The following ARAP1 variants were observed in gnomAD, a reference collection of about 807,000 sequenced individuals.
ARAP1 encodes ArfGAP with RhoGAP domain, ankyrin repeat and PH domain 1.
In ARAP1, 76 loss-of-function variants were observed where a neutral mutation model predicts 172.2. The observed-to-expected ratio is 0.44, with a 90% CI of 0.37 to 0.53. The LOEUF (loss-of-function observed/expected upper bound fraction) is 0.53, where lower values mean the gene tolerates loss of function less well. Ranked by LOEUF, ARAP1 falls within the 20% of genes least tolerant of loss-of-function variation. The pLI, the probability that ARAP1 is intolerant of heterozygous loss-of-function variation, is 0.00. For missense variants in ARAP1, 1,686 were observed against 1,977.5 expected, an observed-to-expected ratio of 0.85 and a Z score of 2.80; for synonymous variants, 804 against 803.3, an observed-to-expected ratio of 1.00 and a Z score of -0.01.
At chr11:72,743,107 C>T (rs1001143096) in intron 1 of ARAP1, among the ~76,000 whole-genome samples, 4 of 152,240 alleles carry the variant, frequency 2.6e-5, no homozygotes, top group African/African-American at 9.6e-5. Context: ...CAGCATCCCA[C>T]TTATCACTAC....
At chr11:72,700,716 C>G (rs757993486) in intron 16 of ARAP1, among the ~76,000 whole-genome samples, 5 of 152,208 alleles carry the variant, frequency 3.3e-5, no homozygotes, top group Non-Finnish European at 7.3e-5. Context: ...GAAGAAAATG[C>G]AGGGTAGCCA....
rs755090281 is a variant in ARAP1, at chr11:72,727,152, C to T, written c.-24G>A. 3.2e-6 allele frequency: 5 copies of T among 1,553,938 alleles called. No homozygotes were observed. Among genetic ancestry groups the T allele is most frequent in the Non-Finnish European group, 3.5e-6 (4 of 1,148,854 alleles). ...ATGGTTCCTGCCAGCGGAGGCCTGA[C>T]TGGCAGGGCTTTGTCCAGAGCTAGA... On this transcript the variant is annotated 5_prime_UTR_variant, in exon 3 of 35. Transcript: ENST00000393609.
At chr11:72,749,870 CA>C (rs1335693964) in intron 1 of ARAP1, among the ~76,000 whole-genome samples, 240 of 123,206 alleles carry the variant, frequency 1.9e-3, no homozygotes, top group Middle Eastern at 3.9e-3. Context: ...GACTCCGTCT[CA>C]AAAAAAAAAA....
At chr11:72,751,809 C>A (rs551109457) in intron 1 of ARAP1, among the ~76,000 whole-genome samples, 1 of 152,218 alleles carries the variant, frequency 6.6e-6, no homozygotes, top group African/African-American at 2.4e-5. Context: ...CCACTCCCAG[C>A]GTGACCCCAT....
rs1160135293 is a variant in ARAP1, at chr11:72,741,144, A to G, written c.-127-8547T>C. On this transcript the variant is annotated intron_variant, in intron 1 of 34. Transcript: ENST00000393609. The surrounding 1 kb of genome is among the most constrained non-coding windows in gnomAD (Gnocchi z 4.5). ...TTCCCCCAACTCCTTCCTGTTTACCATGTTTTGGGCACACCCCTGCCCTGC... is the reference window on the plus strand; with the variant it reads ...TTCCCCCAACTCCTTCCTGTTTACCGTGTTTTGGGCACACCCCTGCCCTGC... 6.7e-6 allele frequency among the ~76,000 whole-genome samples: 1 copy of G among 150,314 alleles called. No individual in the cohort carries two copies. Among genetic ancestry groups the G allele is most frequent in the Non-Finnish European group, 1.5e-5 (1 of 67,796 alleles).
Position 72,693,156 on chromosome 11 carries a change from C to T in ARAP1, c.3954+169G>A, listed in dbSNP as rs1366837709. 9 of 1,096,322 alleles carry T rather than the reference C, an allele frequency of 8.2e-6. No homozygotes were observed. Among genetic ancestry groups the T allele is most frequent in the Non-Finnish European group, 1.1e-5 (9 of 786,648 alleles). The allele number at this position is 1,096,322 out of a possible 1,614,324, so 67.9% of individuals were successfully genotyped here. A position where few individuals can be genotyped will look rare whatever the true frequency, so the allele number is the denominator to read the frequency against. ...CTACAGGGCACACTAGAGTGGCCGT[C>T]CAGGGCCACAGCAGGAGGGGTCTTG... On this transcript the variant is annotated intron_variant, in intron 29 of 34. Coordinates refer to ENST00000393609, the MANE Select transcript of ARAP1 (RefSeq NM_001040118.3). The surrounding 1 kb of genome is among the most constrained non-coding windows in gnomAD (Gnocchi z 4.6).
intron 34 of ARAP1, 141 bp from the exon 35 acceptor site, chr11:72,685,822 G>A: frequency 1.5e-6 from 2 of 1,372,398 alleles, no homozygotes; most frequent in Non-Finnish European, 1.0e-6. Flanking sequence ...CAGCTCCCAG[G>A]GCCAGGCAGA....
chr11:72,700,356 G>A (rs1418551013), intron 16 of ARAP1: 2 of 152,480 alleles, frequency 1.3e-5, no homozygotes, highest in Non-Finnish European at 2.9e-5. Context: ...CTTTGTCCCC[G>A]TAGGAAAGCA....
Position 72,710,394 on chromosome 11 carries a change from C to A in ARAP1, c.1407G>T (p.Lys469Asn). ...CATGACCCCTTAGCACCTCTAGATT[C>A]TTGTAGAGCTGCACTTTGTCCCCGA... ...AVVGDKVQLY[K>N]NLEEYHLGIG... Residue 469 changes from lysine to asparagine, a missense_variant, in exon 10 of 35, where the codon AAG becomes AAT. Around this residue, in one of 5 missense-constraint regions of ARAP1, gnomAD observed 688 missense variants for 856.9 expected, o/e 0.80. Transcript: ENST00000393609. This position sits in a 1 kb window ranked among gnomAD's most constrained non-coding sequence, Gnocchi z 4.3. 6.2e-7 allele frequency: 1 copy of A among 1,614,018 alleles called. No homozygotes were observed. The highest frequency in any genetic ancestry group is 8.5e-7 in the Non-Finnish European group (1 of 1,179,968).
intron 30 of ARAP1, 136 bp from the exon 31 acceptor site, chr11:72,688,673 C>T (rs1294114181): frequency 1.4e-6 from 1 of 703,746 alleles, no homozygotes; most frequent in Non-Finnish European, 2.4e-6. Context: ...CTCCAAGAAG[C>T]CTTCCTGATA....
intron 1 of ARAP1, among the ~76,000 whole-genome samples, chr11:72,742,888 C>T (rs2135591631): frequency 6.6e-6 from 1 of 152,330 alleles, no homozygotes; most frequent in Admixed American, 6.5e-5. Context: ...TAGCAGCCGG[C>T]CTGCCAGGCC....
chr11:72,740,658 A>G (rs1858166921), intron 1 of ARAP1, among the ~76,000 whole-genome samples: 1 of 152,150 alleles, frequency 6.6e-6, no homozygotes, highest in South Asian at 2.1e-4. Context: ...TGACACTCAA[A>G]GCCCCCTCCC....
At chr11:72,712,987 C>A (rs1565222161) in intron 5 of ARAP1, 189 bp downstream of exon 5, 2 of 657,108 alleles carry the variant, frequency 3.0e-6, no homozygotes, top group South Asian at 3.9e-5. Flanking sequence ...AGAGCCCCGA[C>A]CCCTGGCCCA....
intron 12 of ARAP1, among the ~76,000 whole-genome samples, chr11:72,706,908 T>G (rs1856791446): frequency 6.6e-6 from 1 of 152,254 alleles, no homozygotes; most frequent in African/African-American, 2.4e-5. Flanking sequence ...GGCTCAAATC[T>G]GGGCTCACTT....
At position 72,693,007 on chromosome 11, in the gene ARAP1, C is replaced by A. The variant is rs574865112; in HGVS notation, c.3955-222G>T. 4 of 655,994 alleles carry A rather than the reference C, an allele frequency of 6.1e-6. No individual in the cohort carries two copies. In the African/African-American group the frequency reaches 7.3e-5, roughly 12 times the overall value. The allele number at this position is 655,994 out of a possible 1,614,324, so 40.6% of individuals were successfully genotyped here. A position where few individuals can be genotyped will look rare whatever the true frequency, so the allele number is the denominator to read the frequency against. ...CATACGATATGACAAGGCATGCATGCACAACTTGGGGCTGTCATCAAGTAA... is the reference window on the plus strand; with the variant it reads ...CATACGATATGACAAGGCATGCATGAACAACTTGGGGCTGTCATCAAGTAA... On this transcript the variant is annotated intron_variant, in intron 29 of 34. Coordinates refer to ENST00000393609, the MANE Select transcript of ARAP1 (RefSeq NM_001040118.3). The surrounding 1 kb of genome is among the most constrained non-coding windows in gnomAD (Gnocchi z 4.6).
intron 4 of ARAP1, among the ~76,000 whole-genome samples, chr11:72,713,646 G>A (rs1232755047): frequency 6.6e-6 from 1 of 152,100 alleles, no homozygotes; most frequent in Non-Finnish European, 1.5e-5. Context: ...AGGAGATCGA[G>A]ACCATCCTGG....
In ARAP1 at chr11:72,726,622, C is replaced by T. The variant is rs557694101; in HGVS notation, c.507G>A (p.Val169=). 35 of 1,507,160 alleles carry T rather than the reference C, an allele frequency of 2.3e-5. No homozygotes were observed. Among genetic ancestry groups the T allele is most frequent in the Admixed American group, 1.2e-4 (6 of 50,252 alleles). The allele number at this position is 1,507,160 out of a possible 1,614,324, so 93.4% of individuals were successfully genotyped here. Residue 169 remains valine, a splice_region_variant and synonymous_variant, in exon 3 of 35, where the codon GTG becomes GTA. Coordinates refer to ENST00000393609, the MANE Select transcript of ARAP1 (RefSeq NM_001040118.3). This position sits in a 1 kb window ranked among gnomAD's most constrained non-coding sequence, Gnocchi z 6.5. Reference sequence around the variant, plus strand: ...CACCCTGGGTGGCATCCACTCACCTCACCAGCAGGCGGGGGGGTCCGGTGC... The same window carrying T: ...CACCCTGGGTGGCATCCACTCACCTTACCAGCAGGCGGGGGGGTCCGGTGC... ...PPRTGPPRLL[V]SLPTKEEESL... is the part of the protein sequence containing the mutation.
chr11:72,706,036 A>T, intron 12 of ARAP1, 146 bp from the exon 13 acceptor site: 1 of 698,576 alleles, frequency 1.4e-6, no homozygotes, highest in Non-Finnish European at 2.4e-6. Flanking sequence ...TCTGGAATCC[A>T]GCCGTGTACT....
Position 72,693,349 on chromosome 11 carries a change from G to A in ARAP1, c.3930C>T (p.Cys1310=). 1.9e-6 allele frequency: 3 copies of A among 1,613,862 alleles called. No individual in the cohort carries two copies. Among genetic ancestry groups the A allele is most frequent in the African/African-American group, 1.3e-5 (1 of 75,032 alleles). ...CCCGGACCTCCTTGTAGAGCCGCAA[G>A]CAGCTGCTGTTGAGGATGAAGTAGC... ...HDRYFILNSS[C]LRLYKEVRSQ... The change falls in exon 29 of 35, where the codon TGC becomes TGT. Residue 1310 remains cysteine, a synonymous_variant. Coordinates refer to ENST00000393609, the MANE Select transcript of ARAP1 (RefSeq NM_001040118.3). The surrounding 1 kb of genome is among the most constrained non-coding windows in gnomAD (Gnocchi z 4.6).
Sources: gnomAD v4.1 joint callset for allele counts (sites outside exome capture counted in the v4.1 genomes callset) on GRCh38, gnomAD v4.1.1 for gene constraint, gnomAD v4.1.1 regional missense constraint, Gnocchi (gnomAD v3.1) non-coding constraint, MANE v1.5 for transcripts, NCBI Gene and HGNC (gene_info 2026-07-23, HGNC 2026-07-21) for gene names.